The following ECHS1 variants were observed in gnomAD, a reference collection of about 807,000 sequenced individuals.
ECHS1 encodes enoyl-CoA hydratase, short chain 1, also known as enoyl-CoA hydratase, mitochondrial.
In ECHS1, 19 loss-of-function variants were observed where a neutral mutation model predicts 33.5. The observed-to-expected ratio is 0.57, with a 90% CI of 0.40 to 0.83. The LOEUF is 0.83. ECHS1 is among the 40% of genes least tolerant of loss of function. The probability of loss-of-function intolerance (pLI) is 0.00; values close to 1 mark genes in which losing one functional copy is unlikely to be tolerated. For missense variants in ECHS1, 365 were observed against 381.3 expected, an observed-to-expected ratio of 0.96 and a Z score of 0.36; for synonymous variants, 158 against 146.6, an observed-to-expected ratio of 1.08 and a Z score of -0.56.
chr10:133,362,658 A>G lies in ECHS1; in HGVS notation c.*210T>C. Reference sequence around the variant, plus strand: ...CGGGGGCTCCTCAGCAGAATCTTAGATTTAGAAGGTGCTCCAGTCAGGACC... The same window carrying G: ...CGGGGGCTCCTCAGCAGAATCTTAGGTTTAGAAGGTGCTCCAGTCAGGACC... On this transcript the variant is annotated 3_prime_UTR_variant, in exon 8 of 8. Coordinates refer to ENST00000368547, the MANE Select transcript of ECHS1 (RefSeq NM_004092.4). The G allele has an allele frequency of 1.7e-6, 1 of 600,926 alleles. No individual in the cohort carries two copies. Among genetic ancestry groups the G allele is most frequent in the Non-Finnish European group, 3.0e-6 (1 of 336,714 alleles). The allele number at this position is 600,926 out of a possible 1,614,324, so 37.2% of individuals were successfully genotyped here.
At chr10:133,368,663 A>G (rs1001301642) in intron 4 of ECHS1, among the ~76,000 whole-genome samples, 2 of 152,184 alleles carry the variant, frequency 1.3e-5, no homozygotes, top group Admixed American at 6.5e-5. Flanking sequence ...TGTCATGGTT[A>G]GAAGCCAGCG....
At chr10:133,368,178 A>T (rs947776003) in intron 4 of ECHS1, among the ~76,000 whole-genome samples, 1 of 152,186 alleles carries the variant, frequency 6.6e-6, no homozygotes, top group Non-Finnish European at 1.5e-5. Flanking sequence ...CTGACATTAG[A>T]TCAAGGTGAT....
At chr10:133,369,123 G>A (rs563055661) in intron 3 of ECHS1, 101 bp from the exon 4 acceptor site, 3 of 1,101,634 alleles carry the variant, frequency 2.7e-6, no homozygotes, top group South Asian at 2.8e-5. Context: ...AACAGTGTTG[G>A]GGGTATGACA....
intron 4 of ECHS1, among the ~76,000 whole-genome samples, chr10:133,368,093 C>A (rs1436460405): frequency 6.6e-6 from 1 of 152,186 alleles, no homozygotes; most frequent in South Asian, 2.1e-4. Flanking sequence ...TTATTTCTTA[C>A]AATCTCTCGT....
chr10:133,368,905 G>A lies in ECHS1; in HGVS notation c.514+18C>T. 2 of 1,608,490 alleles carry A rather than the reference G, an allele frequency of 1.2e-6. No homozygotes were observed. The highest frequency in any genetic ancestry group is 1.1e-5 in the South Asian group (1 of 90,988). On this transcript the variant is annotated intron_variant, in intron 4 of 7. Transcript: ENST00000368547. The stretch of plus-strand genomic sequence containing the variant: ...AATTACCTAAGGCATCTATGCCAGA[G>A]ACAGTGTCACTCTTTACCTGGGATG...
intron 6 of ECHS1, among the ~76,000 whole-genome samples, chr10:133,365,362 T>C (rs765987899): frequency 6.6e-6 from 1 of 152,216 alleles, no homozygotes; most frequent in Non-Finnish European, 1.5e-5. Flanking sequence ...ACCCTCGAGA[T>C]AAATGCACTC....
chr10:133,364,142 G>A (rs552689508), intron 7 of ECHS1, among the ~76,000 whole-genome samples: 22 of 152,124 alleles, frequency 1.4e-4, no homozygotes, highest in Admixed American at 4.6e-4. Context: ...GACGGGTTTC[G>A]TCATGTTGCC....
At chr10:133,370,092 T>C (rs1002706608) in intron 2 of ECHS1, 61 bp from the exon 3 acceptor site, 1 of 1,596,916 alleles carries the variant, frequency 6.3e-7, no homozygotes, top group Non-Finnish European at 8.5e-7. Flanking sequence ...CCATCCTATA[T>C]CTCTCAGACC....
At position 133,370,716 on chromosome 10, in the gene ECHS1, T is replaced by A; in HGVS notation, c.130A>T (p.Asn44Tyr). The change falls in exon 2 of 8, where the codon AAT (asparagine) becomes TAT (tyrosine). Residue 44 changes from asparagine to tyrosine, a missense_variant. Coordinates refer to ENST00000368547, the MANE Select transcript of ECHS1 (RefSeq NM_004092.4). ...AGTTGGATCAACCCCACGGTGTTAT[T>A]CTTCCCTCTTTTTTCTGCGATGATG... Reference protein sequence around the residue: ...EYIIAEKRGKNNTVGLIQLNR... With the variant: ...EYIIAEKRGKYNTVGLIQLNR... 2 of 1,612,814 alleles carry A rather than the reference T, an allele frequency of 1.2e-6. No homozygotes were observed. The highest frequency in any genetic ancestry group is 1.7e-6 in the Non-Finnish European group (2 of 1,179,666).
rs752488278 is a variant in ECHS1 at position 133,370,576 on chromosome 10, C to A, written c.270G>T (p.Gly90=). Residue 90 remains glycine, a synonymous_variant, in exon 2 of 8, where the codon GGG becomes GGT. Transcript: ENST00000368547. ...CGCGCGTACCTGCAAAGGCCTTATC[C>A]CCGCCGGTGAGGACAATGGCCCCCA... ...PAVGAIVLTG[G]DKAFAAGADI... is the part of the protein sequence containing the mutation. 2 of 1,595,050 alleles carry A rather than the reference C, an allele frequency of 1.3e-6. No individual in the cohort carries two copies. The highest frequency in any genetic ancestry group is 2.2e-5 in the East Asian group (1 of 44,542).
At position 133,366,902 on chromosome 10, in the gene ECHS1, G is replaced by T; in HGVS notation, c.606C>A (p.Asp202Glu). Residue 202 changes from aspartate (D) to glutamate (E), a missense_variant, in exon 5 of 8, where the codon GAC (aspartate) becomes GAA (glutamate). Coordinates refer to ENST00000368547, the MANE Select transcript of ECHS1 (RefSeq NM_004092.4). ...VLTGDRISAQ[D>E]AKQAGLVSKI... ...CCCAACCCATACCTGCTTGCTTGGCGTCCTGGGCTGAGATCCGGTCACCAG... is the reference window on the plus strand; with the variant it reads ...CCCAACCCATACCTGCTTGCTTGGCTTCCTGGGCTGAGATCCGGTCACCAG... 1 of 1,611,594 alleles carries T rather than the reference G, an allele frequency of 6.2e-7. No homozygotes were observed. The highest frequency in any genetic ancestry group is 8.5e-7 in the Non-Finnish European group (1 of 1,179,824).
At position 133,370,744 on chromosome 10, in the gene ECHS1, C is replaced by G; in HGVS notation, c.102G>C (p.Glu34Asp). 6.2e-7 allele frequency: 1 copy of G among 1,610,940 alleles called. No homozygotes were observed. The highest frequency in any genetic ancestry group is 8.5e-7 in the Non-Finnish European group (1 of 1,178,826). Residue 34 changes from glutamate to aspartate, a missense_variant, in exon 2 of 8, where the codon GAG (glutamate) becomes GAC (aspartate). Glu to Asp is a conservative substitution (Grantham distance 45). Transcript: ENST00000368547. Reference protein sequence around the residue: ...WRPFASGANFEYIIAEKRGKN... With the variant: ...WRPFASGANFDYIIAEKRGKN... ...TCCCTCTTTTTTCTGCGATGATGTACTCAAAGTTAGCACCTGGAGCAAGAA... is the reference window on the plus strand; with the variant it reads ...TCCCTCTTTTTTCTGCGATGATGTAGTCAAAGTTAGCACCTGGAGCAAGAA...
Position 133,370,607 on chromosome 10 carries a change from G to C in ECHS1, c.239C>G (p.Pro80Arg), listed in dbSNP as rs199890314. ...GGTGAGGACAATGGCCCCCACGGCC[G>C]GGTCCTCCTCGAAGGTCTTCAGGGC... ...NQALKTFEEDPAVGAIVLTGG... is the reference protein window; with the variant it reads ...NQALKTFEEDRAVGAIVLTGG... Residue 80 changes from proline (P) to arginine (R), a missense_variant, in exon 2 of 8, where the codon CCG becomes CGG. Pro to Arg is a moderately radical substitution (Grantham distance 103). Coordinates refer to ENST00000368547, the MANE Select transcript of ECHS1 (RefSeq NM_004092.4). The C allele has an allele frequency of 3.7e-6, 6 of 1,610,906 alleles. No homozygotes were observed. The highest frequency in any genetic ancestry group is 5.1e-6 in the Non-Finnish European group (6 of 1,179,088).
chr10:133,364,871 C>G (rs980020622), intron 6 of ECHS1, 146 bp from the exon 7 acceptor site: 20 of 646,552 alleles, frequency 3.1e-5, no homozygotes, highest in Non-Finnish European at 5.2e-5. Flanking sequence ...TGGTGCCGCC[C>G]TTCTCAAAGG....
chr10:133,367,654 C>G (rs954870336), intron 4 of ECHS1, among the ~76,000 whole-genome samples: 42 of 151,818 alleles, frequency 2.8e-4, no homozygotes, highest in Non-Finnish European at 3.4e-4. Context: ...CAGGCCTGCC[C>G]GCAGTCATCC....
chr10:133,364,629 G>C, intron 7 of ECHS1, 29 bp downstream of exon 7: 2 of 1,571,994 alleles, frequency 1.3e-6, no homozygotes, highest in Non-Finnish European at 1.7e-6. Context: ...GAATTTGCTT[G>C]ATTCTCCGGT....
At chr10:133,365,384 G>A (rs1034035075) in intron 6 of ECHS1, among the ~76,000 whole-genome samples, 2 of 152,236 alleles carry the variant, frequency 1.3e-5, no homozygotes, top group Non-Finnish European at 2.9e-5. Flanking sequence ...GAGAGGTTAG[G>A]GGACCTGCCT....
rs375706106 is a variant in ECHS1 at position 133,373,328 on chromosome 10, G to A, written c.6C>T (p.Ala2=). The part of the protein sequence containing the change: M[A]ALRVLLSCVR... ...CGCAGGACAGCAGGACACGCAGGGC[G>A]GCCATGGCTCTCTGGACTCCTCGCC... The change falls in exon 1 of 8, where the codon GCC becomes GCT. Residue 2 remains alanine (A), a synonymous_variant. Coordinates refer to ENST00000368547, the MANE Select transcript of ECHS1 (RefSeq NM_004092.4). 9 of 1,502,884 alleles carry A rather than the reference G, an allele frequency of 6.0e-6. No individual in the cohort carries two copies. In the South Asian group the frequency reaches 6.1e-5, roughly 10 times the overall value. 93.1% of individuals were successfully genotyped at this position (1,502,884 alleles called of 1,614,324 possible).
intron 1 of ECHS1, among the ~76,000 whole-genome samples, chr10:133,372,677 GC>G (rs1849124545): frequency 1.4e-5 from 2 of 138,610 alleles, no homozygotes; most frequent in African/African-American, 6.4e-5. Context: ...GCAGAGCCAG[GC>G]AGGGGGTGGG....
Sources: allele counts gnomAD v4.1 joint callset (sites outside exome capture counted in the v4.1 genomes callset), GRCh38; gene constraint gnomAD v4.1.1; transcripts MANE v1.5; gene names NCBI Gene and HGNC (gene_info 2026-07-23, HGNC 2026-07-21).